Variants in LSAMP observed in about 807,000 individuals in gnomAD.
The protein encoded by LSAMP is limbic system-associated membrane protein.
A neutral mutation model predicts 38.6 loss-of-function variants in LSAMP; 7 were observed. The observed-to-expected ratio is 0.18, with a 90% confidence interval of 0.10 to 0.34. The LOEUF is 0.34. LSAMP is among the 10% of genes least tolerant of loss of function. The pLI is 1.00. For synonymous variants in LSAMP, 154 were observed against 166.8 expected (o/e 0.92, Z 0.59); for missense variants, 313 against 420.0 (o/e 0.75, Z 2.23).
At chr3:116,105,463 C>A (rs909712014) in intron 1 of LSAMP, among the ~76,000 whole-genome samples, 1 of 150,982 alleles carries the variant, frequency 6.6e-6, no homozygotes, top group South Asian at 2.1e-4. Flanking sequence ...GCAGAGTCAG[C>A]GAAGGGAGGT....
intron 1 of LSAMP, 40 bp from the exon 2 acceptor site, chr3:116,086,596 A>G (rs1310773600): frequency 2.7e-6 from 4 of 1,498,372 alleles, no homozygotes; most frequent in South Asian, 1.1e-5. Flanking sequence ...CTTAACAACA[A>G]CTATTTCTGC....
chr3:116,256,164 G>A (rs772020750), intron 1 of LSAMP, among the ~76,000 whole-genome samples: 3 of 152,132 alleles, frequency 2.0e-5, no homozygotes. Flanking sequence ...AATTAATTAC[G>A]AAATTGTATG....
At chr3:116,337,166 T>G (rs2047930656) in intron 1 of LSAMP, among the ~76,000 whole-genome samples, 1 of 151,830 alleles carries the variant, frequency 6.6e-6, no homozygotes, top group Non-Finnish European at 1.5e-5. Context: ...GGCCTGGAAG[T>G]AAGGGAATAT....
intron 3 of LSAMP, among the ~76,000 whole-genome samples, chr3:115,877,240 A>G (rs1936204221): frequency 6.6e-6 from 1 of 151,782 alleles, no homozygotes; most frequent in Non-Finnish European, 1.5e-5. Context: ...AAATATCACA[A>G]CACAAAGCTC....
At chr3:115,975,801 C>T (rs185921346) in intron 3 of LSAMP, among the ~76,000 whole-genome samples, 1 of 152,246 alleles carries the variant, frequency 6.6e-6, no homozygotes, top group African/African-American at 2.4e-5. Flanking sequence ...TAGTCCCTAT[C>T]TCTTTCCTGA....
chr3:115,881,259 C>A (rs1282075929), intron 3 of LSAMP, among the ~76,000 whole-genome samples: 1 of 152,042 alleles, frequency 6.6e-6, no homozygotes, highest in African/African-American at 2.4e-5. Context: ...AACCATTGCT[C>A]TTTGCCAGCC....
At chr3:116,216,827 G>C (rs1041000317) in intron 1 of LSAMP, among the ~76,000 whole-genome samples, 1 of 152,182 alleles carries the variant, frequency 6.6e-6, no homozygotes. Flanking sequence ...TTACTTGATG[G>C]GGAAAGGAGA....
intron 1 of LSAMP, among the ~76,000 whole-genome samples, chr3:116,287,883 C>T (rs1218185897): frequency 7.4e-6 from 1 of 135,032 alleles, no homozygotes; most frequent in Non-Finnish European, 1.5e-5. Context: ...TGGCTAAGAA[C>T]ACTGCACAAG....
intron 1 of LSAMP, among the ~76,000 whole-genome samples, chr3:116,261,124 T>C (rs2046820462): frequency 6.6e-6 from 1 of 152,250 alleles, no homozygotes. Context: ...TTTACAACTT[T>C]CTGATATAGC....
At chr3:116,195,785 G>T (rs1016195177) in intron 1 of LSAMP, among the ~76,000 whole-genome samples, 1 of 150,818 alleles carries the variant, frequency 6.6e-6, no homozygotes, top group Non-Finnish European at 1.5e-5. Flanking sequence ...TTTTTTCATA[G>T]ATCGATTATG....
chr3:116,367,965 C>T (rs972191610), intron 1 of LSAMP: 4 of 152,146 alleles, frequency 2.6e-5, no homozygotes, highest in Non-Finnish European at 5.9e-5. Flanking sequence ...GGCTCTGTGC[C>T]ATCTCGAAAT....
chr3:116,366,010 T>TCATA (rs2048346720), intron 1 of LSAMP, among the ~76,000 whole-genome samples: 1 of 2,912 alleles, frequency 3.4e-4, no homozygotes, highest in Non-Finnish European at 8.2e-4. Context: ...ACTTAGAGTA[T>TCATA]AATAAAAAAA....
At chr3:116,214,186 A>G (rs560470413) in intron 1 of LSAMP, among the ~76,000 whole-genome samples, 1 of 152,352 alleles carries the variant, frequency 6.6e-6, no homozygotes, top group Admixed American at 6.5e-5. Context: ...ATAAATTCAC[A>G]GCTAAACTTT....
intron 3 of LSAMP, among the ~76,000 whole-genome samples, chr3:115,905,764 G>T (rs531077330): frequency 3.9e-5 from 6 of 152,210 alleles, no homozygotes; most frequent in African/African-American, 1.4e-4. Context: ...CCTTGCATTG[G>T]TACCTACAGT....
In LSAMP at chr3:116,272,555, G is replaced by A. The variant is rs61242789; in HGVS notation, c.155+172322C>T. 6.5e-4 allele frequency among the ~76,000 whole-genome samples: 99 copies of A among 152,220 alleles called. 1 individual carries two copies. Among genetic ancestry groups the A allele is most frequent in the African/African-American group, 2.2e-3 (91 of 41,542 alleles). ...TCTCAATGAAGAATTAATCTAATTC[G>A]TCTTGACTATTTTTGAAGCAAAGGC... is the stretch of plus-strand genomic sequence containing the variant. On this transcript the variant is annotated intron_variant, in intron 1 of 6. Coordinates refer to ENST00000490035, the MANE Select transcript of LSAMP (RefSeq NM_002338.5).
intron 1 of LSAMP, among the ~76,000 whole-genome samples, chr3:116,131,688 T>G (rs2107502966): frequency 6.6e-6 from 1 of 152,258 alleles, no homozygotes; most frequent in Non-Finnish European, 1.5e-5. Context: ...ACCAATAATC[T>G]TCCTCGTTGC....
intron 6 of LSAMP, among the ~76,000 whole-genome samples, chr3:115,814,531 A>G (rs1200620506): frequency 6.6e-6 from 1 of 152,202 alleles, no homozygotes; most frequent in Non-Finnish European, 1.5e-5. Flanking sequence ...GCGTATGCTT[A>G]GAGACATTTT....
intron 3 of LSAMP, among the ~76,000 whole-genome samples, chr3:115,959,305 T>G (rs1451529668): frequency 1.5e-4 from 23 of 152,074 alleles, no homozygotes; most frequent in Admixed American, 1.4e-3. Flanking sequence ...AGTCTAAAGG[T>G]CCAAAATTTT....
At chr3:116,074,519 T>A (rs992787119) in intron 2 of LSAMP, among the ~76,000 whole-genome samples, 1 of 152,208 alleles carries the variant, frequency 6.6e-6, no homozygotes, top group Non-Finnish European at 1.5e-5. Flanking sequence ...ATGGAATTAC[T>A]GAGTCAAATG....
Sources: allele counts gnomAD v4.1 joint callset (sites outside exome capture counted in the v4.1 genomes callset), GRCh38; gene constraint gnomAD v4.1.1; transcripts MANE v1.5; gene names NCBI Gene and HGNC (gene_info 2026-07-23, HGNC 2026-07-21).